The following HSDL2 variants were observed in gnomAD, a reference collection of about 807,000 sequenced individuals.
HSDL2 encodes hydroxysteroid dehydrogenase-like protein 2.
A neutral mutation model predicts 46.3 loss-of-function variants in HSDL2; 27 were observed. The ratio of observed to expected loss-of-function variants is 0.58; its 90% CI spans 0.43 to 0.80. The LOEUF is 0.80. Ranked by LOEUF, HSDL2 falls within the 30% of genes least tolerant of loss-of-function variation. HSDL2 has a pLI of 0.00. For missense variants in HSDL2, 451 were observed against 502.7 expected (o/e 0.90, Z 0.98); for synonymous variants, 153 against 163.6 (o/e 0.94, Z 0.50).
At chr9:112,405,775 A>G (rs1286759557) in intron 3 of HSDL2, 53 bp downstream of exon 3, 1 of 1,090,698 alleles carries the variant, frequency 9.2e-7, no homozygotes, top group African/African-American at 1.6e-5. Flanking sequence ...TAAAGGTATA[A>G]CTATAATGTT....
intron 1 of HSDL2, among the ~76,000 whole-genome samples, chr9:112,393,807 G>C (rs990055366): frequency 1.3e-5 from 2 of 152,184 alleles, no homozygotes; most frequent in Non-Finnish European, 2.9e-5. Flanking sequence ...GTTAACACAA[G>C]TGCATAAATG....
At chr9:112,423,410 C>G (rs554420567) in intron 6 of HSDL2, among the ~76,000 whole-genome samples, 1 of 151,006 alleles carries the variant, frequency 6.6e-6, no homozygotes, top group African/African-American at 2.4e-5. Flanking sequence ...GGCATAATCT[C>G]GGCTCACTGC....
chr9:112,438,851 TATATAA>T, intron 7 of HSDL2: 1 of 265,784 alleles, frequency 3.8e-6, no homozygotes, highest in Non-Finnish European at 7.0e-6. Flanking sequence ...TATATATATA[TATATAA>T]GCACAGAAAG....
intron 4 of HSDL2, among the ~76,000 whole-genome samples, chr9:112,416,147 C>T (rs1379954327): frequency 6.6e-6 from 1 of 150,438 alleles, no homozygotes; most frequent in Admixed American, 6.6e-5. Context: ...TGATGGCTCA[C>T]ACTTGTAATC....
At chr9:112,400,036 T>G (rs1409139572) in intron 1 of HSDL2, among the ~76,000 whole-genome samples, 1 of 152,216 alleles carries the variant, frequency 6.6e-6, no homozygotes, top group African/African-American at 2.4e-5. Flanking sequence ...CCATGAAATT[T>G]TCACAATTTA....
intron 1 of HSDL2, among the ~76,000 whole-genome samples, chr9:112,390,824 G>T (rs990513780): frequency 2.0e-5 from 3 of 152,020 alleles, no homozygotes; most frequent in Non-Finnish European, 4.4e-5. Flanking sequence ...AGGAAAAAAA[G>T]AATTTCTTAA....
At chr9:112,466,424 G>A (rs1206087966) in intron 10 of HSDL2, among the ~76,000 whole-genome samples, 1 of 151,914 alleles carries the variant, frequency 6.6e-6, no homozygotes, top group Non-Finnish European at 1.5e-5. Context: ...ATGGTGGCAG[G>A]TGCATGTAAT....
chr9:112,392,313 T>A (rs1297021583), intron 1 of HSDL2, among the ~76,000 whole-genome samples: 2 of 152,196 alleles, frequency 1.3e-5, no homozygotes, highest in Non-Finnish European at 2.9e-5. Context: ...GTGGTGCAGG[T>A]ATTGTCTTGA....
intron 1 of HSDL2, among the ~76,000 whole-genome samples, chr9:112,400,589 G>A (rs1276739897): frequency 6.6e-6 from 1 of 152,238 alleles, no homozygotes; most frequent in Non-Finnish European, 1.5e-5. Context: ...CCTGGTGACA[G>A]AGTGAGACTC....
At chr9:112,412,113 A>G (rs533304624) in intron 4 of HSDL2, among the ~76,000 whole-genome samples, 1 of 152,322 alleles carries the variant, frequency 6.6e-6, no homozygotes, top group African/African-American at 2.4e-5. Flanking sequence ...CGCTCAAAAG[A>G]AATGCTCTTT....
At chr9:112,460,599 AT>A (rs1488031269) in intron 10 of HSDL2, among the ~76,000 whole-genome samples, 1 of 152,078 alleles carries the variant, frequency 6.6e-6, no homozygotes, top group Non-Finnish European at 1.5e-5. Context: ...AAATACAAAA[AT>A]TGGTTGGGTG....
intron 10 of HSDL2, among the ~76,000 whole-genome samples, chr9:112,461,170 C>T (rs1237528282): frequency 2.0e-5 from 3 of 151,944 alleles, no homozygotes; most frequent in East Asian, 3.9e-4. Context: ...CTCTGCCTTC[C>T]GGGTTCAAGC....
intron 6 of HSDL2, among the ~76,000 whole-genome samples, chr9:112,420,644 C>G (rs1262800032): frequency 6.6e-6 from 1 of 152,080 alleles, no homozygotes; most frequent in East Asian, 1.9e-4. Context: ...GCACTTCAGC[C>G]TCAGCGACAG....
intron 10 of HSDL2, among the ~76,000 whole-genome samples, chr9:112,463,163 C>T (rs186115186): frequency 5.5e-4 from 84 of 151,564 alleles, no homozygotes; most frequent in African/African-American, 1.8e-3. Context: ...TATGAACATT[C>T]TCATACATGT....
intron 8 of HSDL2, among the ~76,000 whole-genome samples, chr9:112,444,677 G>A (rs1264704985): frequency 6.6e-6 from 1 of 151,564 alleles, no homozygotes; most frequent in Non-Finnish European, 1.5e-5. Context: ...GTTTGAGGTT[G>A]TAATGAGCTA....
In HSDL2 at chr9:112,443,643, T is replaced by G. The variant is rs1444816658; in HGVS notation, c.865+1873T>G. Among the ~76,000 whole-genome samples the G allele has an allele frequency of 2.0e-5, 3 of 152,286 alleles. No individual in the cohort carries two copies. In the East Asian group the frequency reaches 5.8e-4, roughly 29 times the overall value. On this transcript the variant is annotated intron_variant, in intron 8 of 10. Transcript: ENST00000398805. ...TACTCAGGAGACTGAAGCAGGAGGA[T>G]CCCTTGAGCTCAAGAGTTTGAGGCT...
intron 6 of HSDL2, among the ~76,000 whole-genome samples, chr9:112,429,878 G>A (rs1401806501): frequency 6.6e-6 from 1 of 152,096 alleles, no homozygotes; most frequent in Admixed American, 6.5e-5. Flanking sequence ...GATCGCTGGA[G>A]CCCAGGAGTT....
chr9:112,451,203 T>C (rs894005483), intron 8 of HSDL2, among the ~76,000 whole-genome samples: 1 of 152,094 alleles, frequency 6.6e-6, no homozygotes, highest in African/African-American at 2.4e-5. Flanking sequence ...CCAAAAAAAA[T>C]AGATAAATAT....
intron 1 of HSDL2, among the ~76,000 whole-genome samples, chr9:112,387,366 C>T (rs934090253): frequency 7.9e-5 from 12 of 151,796 alleles, no homozygotes; most frequent in African/African-American, 2.7e-4. Flanking sequence ...ACTATGGGTG[C>T]GTACCACATG....
Sources: allele counts gnomAD v4.1 joint callset (sites outside exome capture counted in the v4.1 genomes callset), GRCh38; gene constraint gnomAD v4.1.1; transcripts MANE v1.5; gene names NCBI Gene and HGNC (gene_info 2026-07-23, HGNC 2026-07-21).